The following GRAMD2B variants were observed in gnomAD, a reference collection of about 807,000 sequenced individuals.
GRAMD2B encodes GRAM domain containing 2B.
Under a neutral mutation model 59.2 loss-of-function variants are expected in GRAMD2B, and 41 were observed. The ratio of observed to expected loss-of-function variants is 0.69; its 90% CI spans 0.54 to 0.90. The LOEUF (loss-of-function observed/expected upper bound fraction) is 0.90, where lower values mean the gene tolerates loss of function less well. GRAMD2B is among the 40% of genes least tolerant of loss of function. The pLI, the probability that GRAMD2B is intolerant of heterozygous loss-of-function variation, is 0.00. For synonymous variants in GRAMD2B, 161 were observed against 182.7 expected, an observed-to-expected ratio of 0.88 and a Z score of 0.96; for missense variants, 424 against 500.5, an observed-to-expected ratio of 0.85 and a Z score of 1.46.
chr5:126,397,787 T>G (rs541404407), intron 1 of GRAMD2B, among the ~76,000 whole-genome samples: 2 of 152,246 alleles, frequency 1.3e-5, no homozygotes, highest in South Asian at 2.1e-4. Flanking sequence ...AGTTGAAAAT[T>G]TTTGTATCTG....
intron 1 of GRAMD2B, among the ~76,000 whole-genome samples, chr5:126,373,875 C>T (rs1053968996): frequency 1.5e-4 from 23 of 152,112 alleles, no homozygotes; most frequent in Admixed American, 4.6e-4. Context: ...GAGTGGCACC[C>T]ATGAAATCAG....
chr5:126,431,472 G>A (rs1761564634), intron 1 of GRAMD2B, among the ~76,000 whole-genome samples: 1 of 152,176 alleles, frequency 6.6e-6, no homozygotes, highest in Non-Finnish European at 1.5e-5. Context: ...GTGTTAAACA[G>A]AGGAATTGTG....
chr5:126,466,221 C>G, intron 2 of GRAMD2B: 1 of 1,542,186 alleles, frequency 6.5e-7, no homozygotes, highest in Middle Eastern at 1.7e-4. Context: ...TTGAGAACTG[C>G]TACCTTCTAC....
At chr5:126,456,106 A>G (rs1766230836) in intron 1 of GRAMD2B, among the ~76,000 whole-genome samples, 1 of 152,248 alleles carries the variant, frequency 6.6e-6, no homozygotes, top group Non-Finnish European at 1.5e-5. Flanking sequence ...TATGAATAAA[A>G]CTTTTAAAAT....
At chr5:126,467,691 T>C (rs1352961487) in intron 2 of GRAMD2B, 1 of 152,210 alleles carries the variant, frequency 6.6e-6, no homozygotes, top group Non-Finnish European at 1.5e-5. Context: ...TATTTTCAAA[T>C]AGAGAACAAA....
At chr5:126,391,846 T>A (rs1184489886) in intron 1 of GRAMD2B, among the ~76,000 whole-genome samples, 3 of 152,130 alleles carry the variant, frequency 2.0e-5, no homozygotes, top group Non-Finnish European at 2.9e-5. Flanking sequence ...ACAATTCTGT[T>A]TGTGGTACTA....
intron 1 of GRAMD2B, 117 bp downstream of exon 1, chr5:126,423,806 C>A: frequency 2.2e-6 from 2 of 897,110 alleles, no homozygotes; most frequent in South Asian, 3.7e-5. Context: ...TATGGACAAT[C>A]TTGTGGCGCG....
chr5:126,387,825 G>T (rs1756313882), intron 1 of GRAMD2B, among the ~76,000 whole-genome samples: 1 of 152,000 alleles, frequency 6.6e-6, no homozygotes, highest in Admixed American at 6.6e-5. Context: ...ATGAAGAATT[G>T]TCTTTAGGGA....
chr5:126,461,846 G>A (rs1029563434), intron 1 of GRAMD2B, among the ~76,000 whole-genome samples: 1 of 152,176 alleles, frequency 6.6e-6, no homozygotes, highest in African/African-American at 2.4e-5. Flanking sequence ...CCTAATAGGT[G>A]AAGTCAGGTT....
rs73336230 is a variant in GRAMD2B, at chr5:126,458,674, G to A, written c.84-6752G>A. On this transcript the variant is annotated intron_variant, in intron 1 of 13. Transcript: ENST00000285689. Reference sequence around the variant, plus strand: ...AGTTACCACAGTTTCCTGCACCCAAGTTGTTCAGTTATTTTAGCAATGACC... The same window carrying A: ...AGTTACCACAGTTTCCTGCACCCAAATTGTTCAGTTATTTTAGCAATGACC... 1.3e-3 allele frequency: 204 copies of A among 152,280 alleles called. 1 individual carries two copies. Among genetic ancestry groups the A allele is most frequent in the African/African-American group, 4.7e-3 (197 of 41,554 alleles). The allele number at this position is 152,280 out of a possible 1,614,324, so 9.4% of individuals were successfully genotyped here.
chr5:126,481,965 C>T (rs1157487048), intron 8 of GRAMD2B, among the ~76,000 whole-genome samples: 2 of 109,422 alleles, frequency 1.8e-5, no homozygotes, highest in Non-Finnish European at 3.8e-5. Flanking sequence ...AATGAGACTC[C>T]ATCTCAAAAA....
At chr5:126,401,004 C>T (rs1472463974) in intron 1 of GRAMD2B, among the ~76,000 whole-genome samples, 2 of 152,014 alleles carry the variant, frequency 1.3e-5, no homozygotes, top group African/African-American at 4.8e-5. Flanking sequence ...AAGTTTTCAG[C>T]CAATTTTTTA....
upstream of GRAMD2B, among the ~76,000 whole-genome samples, chr5:126,366,846 C>CTTTTT (rs59718576): frequency 3.2e-4 from 34 of 107,718 alleles, no homozygotes; most frequent in Non-Finnish European, 4.7e-4. Context: ...CAGACCAAGG[C>CTTTTT]TTTTTTTTTT....
chr5:126,449,248 A>T (rs1764889539), intron 1 of GRAMD2B, among the ~76,000 whole-genome samples: 1 of 152,230 alleles, frequency 6.6e-6, no homozygotes, highest in African/African-American at 2.4e-5. Context: ...CGTAAAAGTT[A>T]GTTATATTTA....
upstream of GRAMD2B, among the ~76,000 whole-genome samples, chr5:126,421,809 T>C (rs552625091): frequency 6.6e-6 from 1 of 152,330 alleles, no homozygotes; most frequent in South Asian, 2.1e-4. Flanking sequence ...TACACACACA[T>C]ACACCCTACA....
chr5:126,413,139 C>A (rs983972185), intron 1 of GRAMD2B, among the ~76,000 whole-genome samples: 1 of 151,930 alleles, frequency 6.6e-6, no homozygotes, highest in Non-Finnish European at 1.5e-5. Context: ...TATTTATTTT[C>A]TTCTAGTAAC....
intron 1 of GRAMD2B, among the ~76,000 whole-genome samples, chr5:126,408,500 G>GTT (rs145820337): frequency 1.4e-5 from 2 of 146,700 alleles, no homozygotes; most frequent in South Asian, 2.2e-4. Context: ...TGGTAGTTCT[G>GTT]TTTTTTTTTT....
chr5:126,383,988 G>A (rs1755886859), intron 1 of GRAMD2B, among the ~76,000 whole-genome samples: 2 of 152,044 alleles, frequency 1.3e-5, no homozygotes, highest in Non-Finnish European at 2.9e-5. Flanking sequence ...ACTGTTATAG[G>A]ACAACGAGGG....
chr5:126,445,290 T>C (rs548677580), intron 1 of GRAMD2B, among the ~76,000 whole-genome samples: 16 of 152,328 alleles, frequency 1.1e-4, no homozygotes, highest in African/African-American at 3.6e-4. Context: ...TCCACAATAA[T>C]TGAACTAATT....
Sources: gnomAD v4.1 joint callset for allele counts (sites outside exome capture counted in the v4.1 genomes callset) on GRCh38, gnomAD v4.1.1 for gene constraint, MANE v1.5 for transcripts, NCBI Gene and HGNC (gene_info 2026-07-23, HGNC 2026-07-21) for gene names.